The following NUP88 variants were observed in gnomAD, a reference collection of about 807,000 sequenced individuals.
NUP88 encodes nucleoporin 88, also known as nuclear pore complex protein Nup88.
A neutral mutation model predicts 93.9 loss-of-function variants in NUP88; 57 were observed. That is an observed-to-expected ratio of 0.61 (90% CI 0.49 to 0.76). NUP88 has a LOEUF of 0.76. Ranked by LOEUF, NUP88 falls within the 30% of genes least tolerant of loss-of-function variation. The pLI is 0.00. For missense variants in NUP88, 911 were observed against 901.0 expected, an observed-to-expected ratio of 1.01 and a Z score of -0.14; for synonymous variants, 346 against 336.8, an observed-to-expected ratio of 1.03 and a Z score of -0.30.
At position 5,408,672 on chromosome 17, in the gene NUP88, A is replaced by G. The variant is rs1204935129; in HGVS notation, c.857+61T>C. 8.5e-6 allele frequency: 11 copies of G among 1,294,328 alleles called. No individual in the cohort carries two copies. The African/African-American group carries it at 1.1e-4, about 12-fold the overall frequency. The allele number at this position is 1,294,328 out of a possible 1,614,324, so 80.2% of individuals were successfully genotyped here. On this transcript the variant is annotated intron_variant, in intron 5 of 16. Coordinates refer to ENST00000573584, the MANE Select transcript of NUP88 (RefSeq NM_002532.6). ...AACATGGCTCCCAAGTCCAGCCTCA[A>G]TGATATCTACTGGAGCCCAAACTGA... is the stretch of plus-strand genomic sequence containing the variant.
chr17:5,387,511 T>C, intron 13 of NUP88, 45 bp from the exon 14 acceptor site: 3 of 1,601,760 alleles, frequency 1.9e-6, no homozygotes, highest in Non-Finnish European at 2.6e-6. Flanking sequence ...CACCCCTTGA[T>C]GCTGAAACCA....
Position 5,387,911 on chromosome 17 carries a change from AAC to A in NUP88, c.1644-9_1644-8del, listed in dbSNP as rs1912139012. 1.2e-6 allele frequency: 2 copies of A among 1,611,222 alleles called. No individual in the cohort carries two copies. Among genetic ancestry groups the A allele is most frequent in the African/African-American group, 1.3e-5 (1 of 74,742 alleles). ...TATGTCCTTTTCAGAAGCTCTTAAA[AAC>A]AAAGTTTCTACCTTTATTTTCCTTA... On this transcript the variant is annotated splice_polypyrimidine_tract_variant and splice_region_variant and intron_variant, in intron 11 of 16. Coordinates refer to ENST00000573584, the MANE Select transcript of NUP88 (RefSeq NM_002532.6).
intron 9 of NUP88, among the ~76,000 whole-genome samples, chr17:5,392,281 C>T (rs1377392074): frequency 6.6e-6 from 1 of 152,234 alleles, no homozygotes; most frequent in African/African-American, 2.4e-5. Context: ...GTACCATCAA[C>T]TGTGTCGTTT....
intron 5 of NUP88, among the ~76,000 whole-genome samples, chr17:5,407,029 A>G (rs1473062106): frequency 6.6e-6 from 1 of 152,212 alleles, no homozygotes; most frequent in African/African-American, 2.4e-5. Flanking sequence ...AGGGCTCAGC[A>G]GCAAGAGGAG....
In NUP88 at chr17:5,387,011, A is replaced by C; in HGVS notation, c.2016T>G (p.Leu672=). ...KKELQLIPDQ[L]RHLGNAIKQV... ...GTTTGATGGCATTGCCCAAATGTCG[A>C]AGTTGATCAGGTATCAGCTGTAATT... is the stretch of plus-strand genomic sequence containing the variant. Residue 672 remains leucine (L), a synonymous_variant, in exon 15 of 17, where the codon CTT becomes CTG. Transcript: ENST00000573584. 1 of 1,614,086 alleles carries C rather than the reference A, an allele frequency of 6.2e-7. No homozygotes were observed. The highest frequency in any genetic ancestry group is 1.1e-5 in the South Asian group (1 of 91,076).
intron 9 of NUP88, 52 bp downstream of exon 9, chr17:5,394,839 C>T (rs371621216): frequency 1.5e-4 from 181 of 1,219,596 alleles, no homozygotes; most frequent in Middle Eastern, 5.6e-4. Flanking sequence ...CGTATCTGAA[C>T]TGCTGAAATG....
intron 10 of NUP88, among the ~76,000 whole-genome samples, chr17:5,390,163 CA>C (rs34058484): frequency 0.053 from 4,706 of 89,078 alleles, 131 homozygotes; most frequent in East Asian, 0.15. Flanking sequence ...AACTCCGTCT[CA>C]AAAAAAAAAA....
chr17:5,386,450 T>C (rs1308395118), intron 16 of NUP88, among the ~76,000 whole-genome samples, 181 bp from the exon 17 acceptor site: 2 of 152,208 alleles, frequency 1.3e-5, no homozygotes, highest in African/African-American at 4.8e-5. Context: ...ACGGTGCAAG[T>C]ACTGGAAATA....
intron 7 of NUP88, among the ~76,000 whole-genome samples, chr17:5,403,192 A>G (rs576035167): frequency 1.7e-4 from 26 of 151,884 alleles, no homozygotes; most frequent in African/African-American, 5.3e-4. Context: ...AAAAATACAA[A>G]AATTGCCAGG....
chr17:5,399,638 G>A lies in NUP88; in HGVS notation c.1205C>T (p.Pro402Leu). The A allele has an allele frequency of 6.3e-7, 1 of 1,586,816 alleles. No homozygotes were observed. Among genetic ancestry groups the A allele is most frequent in the South Asian group, 1.1e-5 (1 of 88,742 alleles). Residue 402 changes from proline to leucine, a missense_variant, in exon 8 of 17, where the codon CCT (proline) becomes CTT (leucine). By Grantham distance (98) the Pro-to-Leu change is moderately conservative. Transcript: ENST00000573584. ...TTCATGAGTACAGTGATATCTTGAAGGACACTTGGGATCTGCAAATGGAAT... is the reference window on the plus strand; with the variant it reads ...TTCATGAGTACAGTGATATCTTGAAAGACACTTGGGATCTGCAAATGGAAT... ...PVKLHRDPKC[P>L]SRYHCTHEAG...
rs1806229 is a variant in NUP88, at chr17:5,388,871, G to A, written c.1574C>T (p.Thr525Ile). 508 of 1,614,040 alleles carry A rather than the reference G, an allele frequency of 3.1e-4. No homozygotes were observed. The highest frequency in any genetic ancestry group is 1.5e-3 in the Middle Eastern group (9 of 6,058). ...AATATGCTTTTCAAAGGAATCTGGG[G>A]TTTCAGCCAGAACACGGAGGGGAGA... ...AESPLRVLAE[T>I]PDSFEKHIRS... Residue 525 changes from threonine to isoleucine, a missense_variant, in exon 11 of 17, where the codon ACC (threonine) becomes ATC (isoleucine). Transcript: ENST00000573584.
Position 5,387,436 on chromosome 17 carries a change from T to C in NUP88, c.1866A>G (p.Leu622=). Residue 622 remains leucine, a synonymous_variant, in exon 14 of 17, where the codon TTA becomes TTG. Coordinates refer to ENST00000573584, the MANE Select transcript of NUP88 (RefSeq NM_002532.6). ...RKSLREMAER[L]ADKYEEAKEK... ...CTTTAGCTTCCTCATATTTGTCAGCTAAACGCTCAGCCATTTCCCGCAGAC... is the reference window on the plus strand; with the variant it reads ...CTTTAGCTTCCTCATATTTGTCAGCCAAACGCTCAGCCATTTCCCGCAGAC... 1 of 1,614,196 alleles carries C rather than the reference T, an allele frequency of 6.2e-7. No individual in the cohort carries two copies. Among genetic ancestry groups the C allele is most frequent in the Non-Finnish European group, 8.5e-7 (1 of 1,180,022 alleles).
chr17:5,409,172 G>A (rs905901285), intron 4 of NUP88, among the ~76,000 whole-genome samples: 2 of 152,048 alleles, frequency 1.3e-5, no homozygotes, highest in African/African-American at 4.8e-5. Context: ...TCAGGAGTTC[G>A]AGACCAGCCT....
At chr17:5,403,649 GACAC>G (rs1913303521) in intron 7 of NUP88, among the ~76,000 whole-genome samples, 1 of 137,724 alleles carries the variant, frequency 7.3e-6, no homozygotes, top group South Asian at 2.7e-4. Context: ...GACAGAGCCA[GACAC>G]CATCTCAACA....
chr17:5,419,090 C>T (rs1914407912), intron 1 of NUP88, among the ~76,000 whole-genome samples: 1 of 152,212 alleles, frequency 6.6e-6, no homozygotes, highest in African/African-American at 2.4e-5. Flanking sequence ...CGTTCTCAAC[C>T]CCTTTAGCCC....
At chr17:5,413,724 T>C (rs1175438479) in intron 3 of NUP88, among the ~76,000 whole-genome samples, 1 of 152,216 alleles carries the variant, frequency 6.6e-6, no homozygotes, top group Non-Finnish European at 1.5e-5. Context: ...TTATGCTACA[T>C]TATTACCAAA....
In NUP88 at chr17:5,399,656, A is replaced by T; in HGVS notation, c.1193-6T>A. On this transcript the variant is annotated splice_polypyrimidine_tract_variant and splice_region_variant and intron_variant, in intron 7 of 16. Coordinates refer to ENST00000573584, the MANE Select transcript of NUP88 (RefSeq NM_002532.6). ...TCTTGAAGGACACTTGGGATCTGCA[A>T]ATGGAATGATTAATGATACAAAGGT... 3 of 1,518,910 alleles carry T rather than the reference A, an allele frequency of 2.0e-6. No homozygotes were observed. The South Asian group carries it at 3.5e-5, about 18-fold the overall frequency. The allele number at this position is 1,518,910 out of a possible 1,614,324, so 94.1% of individuals were successfully genotyped here. A position where few individuals can be genotyped will look rare whatever the true frequency, so the allele number is the denominator to read the frequency against.
At position 5,415,768 on chromosome 17, in the gene NUP88, A is replaced by G. The variant is rs114605637; in HGVS notation, c.467+745T>C. Among the ~76,000 whole-genome samples the G allele has an allele frequency of 7.7e-3, 1,166 of 152,086 alleles. 15 individuals are homozygous for G. The highest frequency in any genetic ancestry group is 0.027 in the African/African-American group (1,115 of 41,526). On this transcript the variant is annotated intron_variant, in intron 2 of 16. Coordinates refer to ENST00000573584, the MANE Select transcript of NUP88 (RefSeq NM_002532.6). Reference sequence around the variant, plus strand: ...CTTACACTGGGTTTATCGGGACATAACCCAATCGTAAGTTGAAAAGCATCT... The same window carrying G: ...CTTACACTGGGTTTATCGGGACATAGCCCAATCGTAAGTTGAAAAGCATCT...
rs1291475219 is a variant in NUP88 at position 5,408,759 on chromosome 17, G to C, written c.831C>G (p.Phe277Leu). 1.4e-5 allele frequency: 22 copies of C among 1,609,532 alleles called. No individual in the cohort carries two copies. Among genetic ancestry groups the C allele is most frequent in the East Asian group, 2.2e-5 (1 of 44,774 alleles). Residue 277 changes from phenylalanine (F) to leucine (L), a missense_variant, in exon 5 of 17, where the codon TTC becomes TTG. Transcript: ENST00000573584. ...LYILYENGET[F>L]LTYISLLHSP... is the part of the protein sequence containing the mutation. The stretch of plus-strand genomic sequence containing the variant: ...TGTGTAACAGACTGATGTATGTCAG[G>C]AAAGTCTCTCCATTTTCATATAAGA...
Sources: allele counts gnomAD v4.1 joint callset (sites outside exome capture counted in the v4.1 genomes callset), GRCh38; gene constraint gnomAD v4.1.1; transcripts MANE v1.5; gene names NCBI Gene and HGNC (gene_info 2026-07-23, HGNC 2026-07-21).